Variants in ULK4 observed in about 807,000 individuals in gnomAD.
ULK4 encodes the protein inactive serine/threonine-protein kinase ULK4.
A neutral mutation model predicts 160.6 loss-of-function variants in ULK4; 133 were observed. The ratio of observed to expected loss-of-function variants is 0.83; its 90% CI spans 0.72 to 0.96. The LOEUF is 0.96. Among genes scored for constraint, ULK4 ranks in the 40% least tolerant of loss-of-function variants. The pLI, the probability that ULK4 is intolerant of heterozygous loss-of-function variation, is 0.00. For synonymous variants in ULK4, 534 were observed against 539.8 expected (o/e 0.99, Z 0.15); for missense variants, 1,580 against 1,499.5 (o/e 1.05, Z -0.89).
intron 34 of ULK4, among the ~76,000 whole-genome samples, chr3:41,408,661 T>C (rs1424657876): frequency 1.3e-5 from 2 of 152,040 alleles, no homozygotes; most frequent in African/African-American, 4.8e-5. Flanking sequence ...CAAAACAACA[T>C]TACAAAGGAA....
intron 34 of ULK4, among the ~76,000 whole-genome samples, chr3:41,433,352 G>A (rs2082956950): frequency 6.6e-6 from 1 of 152,132 alleles, no homozygotes; most frequent in Non-Finnish European, 1.5e-5. Context: ...TATCAGCAAG[G>A]AGAAACAGAC....
At chr3:41,520,743 T>C (rs2085904857) in intron 32 of ULK4, among the ~76,000 whole-genome samples, 1 of 152,216 alleles carries the variant, frequency 6.6e-6, no homozygotes, top group South Asian at 2.1e-4. Context: ...GTTTCAATAA[T>C]AGTTATACTA....
intron 35 of ULK4, among the ~76,000 whole-genome samples, chr3:41,261,727 A>G (rs1559492593): frequency 6.6e-6 from 1 of 152,138 alleles, no homozygotes; most frequent in Non-Finnish European, 1.5e-5. Flanking sequence ...CCAGATGGAA[A>G]TGGAAGTTGT....
At chr3:41,565,244 T>A (rs1386066034) in intron 32 of ULK4, among the ~76,000 whole-genome samples, 1 of 152,200 alleles carries the variant, frequency 6.6e-6, no homozygotes, top group African/African-American at 2.4e-5. Context: ...GTACATGATT[T>A]TTAGAATTTT....
intron 30 of ULK4, among the ~76,000 whole-genome samples, chr3:41,623,599 A>G (rs1012106547): frequency 2.0e-5 from 3 of 152,222 alleles, no homozygotes; most frequent in African/African-American, 7.2e-5. Context: ...AAATAAGTCA[A>G]GCACAGAAAA....
intron 35 of ULK4, among the ~76,000 whole-genome samples, chr3:41,364,974 G>A (rs554011047): frequency 6.6e-6 from 1 of 152,302 alleles, no homozygotes; most frequent in Non-Finnish European, 1.5e-5. Flanking sequence ...TGGGGCCTGA[G>A]ATTCTGAATT....
At chr3:41,649,023 G>GTTTAC (rs1327647912) in intron 30 of ULK4, among the ~76,000 whole-genome samples, 2 of 152,010 alleles carry the variant, frequency 1.3e-5, no homozygotes, top group African/African-American at 4.8e-5. Flanking sequence ...ACCTACTTGG[G>GTTTAC]AAGCTGAGGC....
At chr3:41,306,363 C>T (rs192871719) in intron 35 of ULK4, among the ~76,000 whole-genome samples, 12,215 of 118,900 alleles carry the variant, frequency 0.1, 1,586 homozygotes, top group African/African-American at 0.2. Context: ...GTCAGCCCCC[C>T]GCCCAGCCAG....
intron 17 of ULK4, among the ~76,000 whole-genome samples, chr3:41,877,984 T>TA (rs376850138): frequency 7.1e-6 from 1 of 140,848 alleles, no homozygotes; most frequent in African/African-American, 2.6e-5. Flanking sequence ...TCTGTCTCAA[T>TA]AAAAAAATCT....
intron 32 of ULK4, among the ~76,000 whole-genome samples, chr3:41,482,055 G>A (rs2084347114): frequency 6.6e-6 from 1 of 152,098 alleles, no homozygotes; most frequent in Non-Finnish European, 1.5e-5. Flanking sequence ...CTTCGCCTAT[G>A]AAGTAGCTAT....
intron 35 of ULK4, among the ~76,000 whole-genome samples, chr3:41,294,335 C>G (rs2079628924): frequency 6.6e-6 from 1 of 152,196 alleles, no homozygotes; most frequent in Non-Finnish European, 1.5e-5. Flanking sequence ...GACAATGAAC[C>G]TGCTCATGCC....
At chr3:41,505,619 A>AT (rs1267603873) in intron 32 of ULK4, among the ~76,000 whole-genome samples, 1 of 152,104 alleles carries the variant, frequency 6.6e-6, no homozygotes. Context: ...AACCAGGTCA[A>AT]TTTTTTTATA....
intron 31 of ULK4, among the ~76,000 whole-genome samples, chr3:41,597,838 G>A (rs1193832708): frequency 6.6e-6 from 1 of 152,182 alleles, no homozygotes; most frequent in African/African-American, 2.4e-5. Context: ...CATAGTGGAG[G>A]CGAAGTCTAC....
chr3:41,917,660 T>G (rs897054150), intron 7 of ULK4, among the ~76,000 whole-genome samples: 1 of 152,110 alleles, frequency 6.6e-6, no homozygotes. Context: ...TTCCAACACT[T>G]TAAAAATAAT....
At chr3:41,689,834 C>G (rs1270193064) in intron 27 of ULK4, among the ~76,000 whole-genome samples, 44 of 151,050 alleles carry the variant, frequency 2.9e-4, no homozygotes, top group Admixed American at 2.1e-3. Context: ...CACTTTTACA[C>G]TGTTGGTGGG....
intron 32 of ULK4, among the ~76,000 whole-genome samples, chr3:41,510,224 AAAAGAC>A (rs2085523973): frequency 1.3e-5 from 2 of 152,366 alleles, no homozygotes; most frequent in Admixed American, 1.3e-4. Context: ...GAGAAGTTTA[AAAAGAC>A]AAAGAAGGAC....
At chr3:41,397,336 G>A (rs777608544) in intron 35 of ULK4, among the ~76,000 whole-genome samples, 2 of 152,146 alleles carry the variant, frequency 1.3e-5, no homozygotes, top group Admixed American at 6.6e-5. Flanking sequence ...AGTTATAAAT[G>A]TTGGGGATGA....
At chr3:41,915,874 A>G in intron 8 of ULK4, 103 bp downstream of exon 8, 1 of 768,434 alleles carries the variant, frequency 1.3e-6, no homozygotes, top group Admixed American at 3.1e-5. Flanking sequence ...AGTACATAAA[A>G]GGGGGAAAAG....
intron 35 of ULK4, among the ~76,000 whole-genome samples, chr3:41,307,373 G>A (rs2125716876): frequency 6.6e-6 from 1 of 152,218 alleles, no homozygotes; most frequent in African/African-American, 2.4e-5. Flanking sequence ...GAAGGTAGGT[G>A]CTTTTTTCTT....
Sources: allele counts gnomAD v4.1 joint callset (sites outside exome capture counted in the v4.1 genomes callset), GRCh38; gene constraint gnomAD v4.1.1; transcripts MANE v1.5; gene names NCBI Gene and HGNC (gene_info 2026-07-23, HGNC 2026-07-21).